AXDND1: variants seen among roughly 807,000 people sequenced by gnomAD.
AXDND1 encodes the protein axonemal dynein light chain domain-containing protein 1.
Under a neutral mutation model 137.5 loss-of-function variants are expected in AXDND1, and 110 were observed. The observed-to-expected ratio is 0.80, with a 90% CI of 0.69 to 0.94. The LOEUF is 0.94. AXDND1 is among the 40% of genes least tolerant of loss of function. The pLI, the probability that AXDND1 is intolerant of heterozygous loss-of-function variation, is 0.00. For synonymous variants in AXDND1, 414 were observed against 399.7 expected, an observed-to-expected ratio of 1.04 and a Z score of -0.43; for missense variants, 1,191 against 1,169.8, an observed-to-expected ratio of 1.02 and a Z score of -0.26.
At chr1:179,399,722 A>G (rs1362989120) in intron 11 of AXDND1, among the ~76,000 whole-genome samples, 2 of 152,188 alleles carry the variant, frequency 1.3e-5, no homozygotes, top group Non-Finnish European at 2.9e-5. Context: ...ACTCAAACAA[A>G]TCGGTAAGAA....
intron 12 of AXDND1, among the ~76,000 whole-genome samples, chr1:179,418,080 C>T (rs1207524963): frequency 6.6e-6 from 1 of 151,130 alleles, no homozygotes; most frequent in Non-Finnish European, 1.5e-5. Context: ...GAGGGAAGGT[C>T]AGCAGATAAA....
intron 18 of AXDND1, among the ~76,000 whole-genome samples, chr1:179,488,651 C>CT (rs1336430813): frequency 1.9e-5 from 2 of 107,838 alleles, no homozygotes; most frequent in East Asian, 2.4e-4. Context: ...TTCTTTCTTT[C>CT]TTTCTTTCTT....
chr1:179,407,915 T>A (rs906549020), intron 11 of AXDND1, among the ~76,000 whole-genome samples: 4 of 152,360 alleles, frequency 2.6e-5, no homozygotes, highest in African/African-American at 9.6e-5. Context: ...TGGTGTCCCA[T>A]ATATCCACAT....
intron 25 of AXDND1, among the ~76,000 whole-genome samples, chr1:179,547,295 G>T (rs1341471807): frequency 2.0e-5 from 3 of 152,132 alleles, no homozygotes; most frequent in Non-Finnish European, 4.4e-5. Flanking sequence ...CTGTGTCTAG[G>T]GTTCATCAGG....
chr1:179,472,417 A>G (rs183973215), intron 17 of AXDND1, among the ~76,000 whole-genome samples: 1 of 152,330 alleles, frequency 6.6e-6, no homozygotes, highest in Admixed American at 6.5e-5. Flanking sequence ...ACAGCCTAGC[A>G]TCTTGTCTAT....
At chr1:179,409,096 A>G (rs1057164696) in intron 11 of AXDND1, among the ~76,000 whole-genome samples, 4 of 149,420 alleles carry the variant, frequency 2.7e-5, no homozygotes, top group Non-Finnish European at 5.9e-5. Context: ...CTAGTATGGT[A>G]TGGCTTTCAG....
chr1:179,472,128 C>A (rs1414344820), intron 17 of AXDND1, among the ~76,000 whole-genome samples: 1 of 152,200 alleles, frequency 6.6e-6, no homozygotes, highest in African/African-American at 2.4e-5. Flanking sequence ...AATTCCTGAC[C>A]TTGTGATCCA....
intron 21 of AXDND1, among the ~76,000 whole-genome samples, chr1:179,524,519 A>T (rs969872790): frequency 2.0e-5 from 3 of 151,946 alleles, no homozygotes; most frequent in Non-Finnish European, 4.4e-5. Flanking sequence ...ATCTGAACTC[A>T]TCTCTCTCTC....
chr1:179,541,615 T>A (rs1330351550), intron 25 of AXDND1, among the ~76,000 whole-genome samples: 1 of 151,978 alleles, frequency 6.6e-6, no homozygotes, highest in African/African-American at 2.4e-5. Flanking sequence ...TGTATGGCTA[T>A]CCCTTTAAAA....
chr1:179,424,426 C>CTTTTTTT (rs139043229), intron 12 of AXDND1, among the ~76,000 whole-genome samples: 1 of 107,802 alleles, frequency 9.3e-6, no homozygotes, highest in Non-Finnish European at 1.9e-5. Context: ...TTTCTATTAT[C>CTTTTTTT]TTTTTTTTTT....
At chr1:179,399,772 A>T (rs1375146039) in intron 11 of AXDND1, among the ~76,000 whole-genome samples, 1 of 152,242 alleles carries the variant, frequency 6.6e-6, no homozygotes. Context: ...AAAGGACATG[A>T]ATAGACAATT....
rs373172860 is a variant in AXDND1, at chr1:179,551,266, G to A, written c.3032-3246G>A. On this transcript the variant is annotated intron_variant, in intron 25 of 25. Coordinates refer to ENST00000367618, the MANE Select transcript of AXDND1 (RefSeq NM_144696.6). Reference sequence around the variant, plus strand: ...GGAGGCTTCCCTGAGTTCTGTTGCTGGGAGAAGACAGGCAATTCAGTAGGT... The same window carrying A: ...GGAGGCTTCCCTGAGTTCTGTTGCTAGGAGAAGACAGGCAATTCAGTAGGT... 27 of 1,613,986 alleles carry A rather than the reference G, an allele frequency of 1.7e-5. No individual in the cohort carries two copies. The highest frequency in any genetic ancestry group is 1.6e-4 in the Middle Eastern group (1 of 6,082).
chr1:179,488,659 C>CTT (rs1273729372), intron 18 of AXDND1, among the ~76,000 whole-genome samples: 1 of 103,498 alleles, frequency 9.7e-6, no homozygotes, highest in African/African-American at 4.5e-5. Context: ...TTCTTTCTTT[C>CTT]TTTCTTTCTT....
chr1:179,469,716 A>G (rs918364470), intron 17 of AXDND1, among the ~76,000 whole-genome samples: 2 of 152,220 alleles, frequency 1.3e-5, no homozygotes, highest in African/African-American at 4.8e-5. Context: ...GATTCTAGCT[A>G]TAATAGAGGG....
chr1:179,375,579 T>C (rs1184576142), intron 4 of AXDND1, among the ~76,000 whole-genome samples: 2 of 148,530 alleles, frequency 1.3e-5, no homozygotes, highest in Admixed American at 6.9e-5. Flanking sequence ...CATACATATA[T>C]GTACATATAT....
chr1:179,438,013 A>C (rs4618931), intron 15 of AXDND1, among the ~76,000 whole-genome samples: 1 of 151,542 alleles, frequency 6.6e-6, no homozygotes, highest in Non-Finnish European at 1.5e-5. Flanking sequence ...TTAGCCAGGC[A>C]TGGTGGCAGG....
At chr1:179,529,082 A>G (rs1239300923) in intron 23 of AXDND1, among the ~76,000 whole-genome samples, 1 of 152,252 alleles carries the variant, frequency 6.6e-6, no homozygotes, top group Non-Finnish European at 1.5e-5. Context: ...ACACTCAGCA[A>G]GAAAGCAGAT....
chr1:179,491,450 C>T (rs1007083953), intron 18 of AXDND1, 88 bp from the exon 19 acceptor site: 17 of 889,426 alleles, frequency 1.9e-5, no homozygotes, highest in African/African-American at 1.2e-4. Context: ...GACACAGGCA[C>T]GATCATTTCT....
intron 15 of AXDND1, among the ~76,000 whole-genome samples, chr1:179,443,787 T>C (rs1300594839): frequency 6.6e-6 from 1 of 152,188 alleles, no homozygotes; most frequent in Non-Finnish European, 1.5e-5. Context: ...CCACATTTTG[T>C]TTATACATTA....
Sources: gnomAD v4.1 joint callset for allele counts (sites outside exome capture counted in the v4.1 genomes callset) on GRCh38, gnomAD v4.1.1 for gene constraint, MANE v1.5 for transcripts, NCBI Gene and HGNC (gene_info 2026-07-23, HGNC 2026-07-21) for gene names.